GPHN: variants seen among roughly 807,000 people sequenced by gnomAD.
GPHN encodes the protein gephyrin.
In GPHN, 17 loss-of-function variants were observed where a neutral mutation model predicts 95.5. The observed-to-expected ratio is 0.18, with a 90% CI of 0.12 to 0.27. The LOEUF (loss-of-function observed/expected upper bound fraction) is 0.27, where lower values mean the gene tolerates loss of function less well. Ranked by LOEUF, GPHN falls within the 10% of genes least tolerant of loss-of-function variation. The pLI is 1.00. For missense variants in GPHN, 660 were observed against 978.1 expected, an observed-to-expected ratio of 0.67 and a Z score of 4.34; for synonymous variants, 320 against 322.5, an observed-to-expected ratio of 0.99 and a Z score of 0.08.
chr14:66,704,757 G>A (rs955534655), intron 2 of GPHN, among the ~76,000 whole-genome samples: 1 of 152,096 alleles, frequency 6.6e-6, no homozygotes, highest in Non-Finnish European at 1.5e-5. Context: ...AAAAGAGCTA[G>A]AGACGCAAGA....
At chr14:67,645,590 T>C in the GPHN span, 1,399 of 1,576,138 alleles carry the variant, frequency 8.9e-4, 22 homozygotes, top group African/African-American at 0.016. Context: ...ACGTTTGTTA[T>C]CGGTCATGTT....
downstream of GPHN, among the ~76,000 whole-genome samples, chr14:67,185,489 A>G (rs1277594112): frequency 6.6e-6 from 1 of 152,214 alleles, no homozygotes; most frequent in African/African-American, 2.4e-5. Flanking sequence ...TTATTTGACA[A>G]ATTATATAAG....
intron 18 of GPHN, 140 bp downstream of exon 18, chr14:67,143,589 G>T: frequency 1.4e-6 from 1 of 722,934 alleles, no homozygotes; most frequent in East Asian, 2.5e-5. Flanking sequence ...AGAAATTACT[G>T]GTCTCTTTAA....
chr14:67,509,263 A>G, the GPHN span, among the ~76,000 whole-genome samples: 2 of 152,212 alleles, frequency 1.3e-5, no homozygotes, highest in African/African-American at 4.8e-5. Flanking sequence ...ATGTTTTTCA[A>G]ACAAGAATCT....
chr14:67,143,201 T>C (rs949689120), intron 17 of GPHN, 161 bp from the exon 18 acceptor site: 30 of 650,158 alleles, frequency 4.6e-5, no homozygotes, highest in Non-Finnish European at 8.2e-5. Flanking sequence ...GACTTAATGC[T>C]CCTGTTAGGC....
chr14:67,098,550 C>T (rs1005748494), intron 12 of GPHN, among the ~76,000 whole-genome samples: 1 of 152,092 alleles, frequency 6.6e-6, no homozygotes, highest in Non-Finnish European at 1.5e-5. Context: ...TGGCTTATGC[C>T]TGTAACCCCA....
At chr14:66,998,632 C>G (rs1567196229) in intron 9 of GPHN, among the ~76,000 whole-genome samples, 2 of 151,914 alleles carry the variant, frequency 1.3e-5, no homozygotes. Context: ...CTCTTCTTTC[C>G]CTTACATTTA....
chr14:67,385,214 G>A, the GPHN span: 2 of 152,074 alleles, frequency 1.3e-5, no homozygotes, highest in African/African-American at 4.8e-5. Context: ...AGACAGCAGG[G>A]ACAAGATACA....
the GPHN span, chr14:67,645,670 T>C: frequency 1.9e-6 from 3 of 1,613,934 alleles, no homozygotes; most frequent in South Asian, 2.2e-5. Context: ...TTAGTGGCCA[T>C]GCCCGACACT....
chr14:66,615,463 T>A (rs1444780331), intron 1 of GPHN, among the ~76,000 whole-genome samples: 1 of 142,952 alleles, frequency 7.0e-6, no homozygotes, highest in Non-Finnish European at 1.5e-5. Flanking sequence ...TGATGGTCAG[T>A]GGTGTTGAGC....
the GPHN span, chr14:67,533,209 G>A: frequency 6.6e-6 from 1 of 152,028 alleles, no homozygotes; most frequent in Middle Eastern, 3.2e-3. Context: ...GCTTTGTGCA[G>A]CGAGCCCGCG....
At chr14:67,175,609 G>A (rs1177051189) in intron 21 of GPHN, among the ~76,000 whole-genome samples, 27 of 152,194 alleles carry the variant, frequency 1.8e-4, no homozygotes, top group Admixed American at 1.8e-3. Context: ...TTCCAATTTT[G>A]TGAAGAAAGT....
intron 8 of GPHN, among the ~76,000 whole-genome samples, chr14:66,938,487 A>T (rs1490137892): frequency 1.3e-5 from 2 of 152,100 alleles, no homozygotes; most frequent in African/African-American, 2.4e-5. Context: ...TGTGATAATT[A>T]ATTATTATTC....
At position 66,640,876 on chromosome 14, in the gene GPHN, A is replaced by G. The variant is rs550144489; in HGVS notation, c.65-40231A>G. Among the ~76,000 whole-genome samples, 589 of 152,302 alleles carry G rather than the reference A, an allele frequency of 3.9e-3. 6 individuals carry two copies. The highest frequency in any genetic ancestry group is 0.014 in the African/African-American group (566 of 41,576). On this transcript the variant is annotated intron_variant, in intron 1 of 22. Coordinates refer to ENST00000478722, the MANE Select transcript of GPHN (RefSeq NM_020806.5). Reference sequence around the variant, plus strand: ...CTCAGTTGTATCTGTAGTAAAGCTTATTCTTCCTCTGTTTTGTCCTAATTA... The same window carrying G: ...CTCAGTTGTATCTGTAGTAAAGCTTGTTCTTCCTCTGTTTTGTCCTAATTA...
the GPHN span, among the ~76,000 whole-genome samples, chr14:67,492,182 G>A: frequency 2.0e-5 from 3 of 152,080 alleles, no homozygotes; most frequent in Non-Finnish European, 4.4e-5. Context: ...CTTGGAGGGT[G>A]GTCTCTGGTC....
chr14:67,582,146 T>G, the GPHN span: 1 of 1,613,656 alleles, frequency 6.2e-7, no homozygotes, highest in Non-Finnish European at 8.5e-7. This position sits in a 1 kb window ranked among gnomAD's most constrained non-coding sequence, Gnocchi z 5.0. Flanking sequence ...AGTAGAGAGA[T>G]AGTGGCAGGG....
In GPHN at chr14:66,814,087, C is replaced by T. The variant is rs150668621; in HGVS notation, c.202-10387C>T. On this transcript the variant is annotated intron_variant, in intron 3 of 22. Coordinates refer to ENST00000478722, the MANE Select transcript of GPHN (RefSeq NM_020806.5). ...TACTTGCCCAGCCAGCACACAGGAA[C>T]GCAGTCTGCCCTCCTCCCTTGCTGA... Among the ~76,000 whole-genome samples the T allele has an allele frequency of 3.2e-3, 480 of 152,268 alleles. 2 individuals are homozygous for T. Among genetic ancestry groups the T allele is most frequent in the African/African-American group, 0.011 (442 of 41,536 alleles).
chr14:66,508,442 C>T lies in GPHN; in HGVS notation c.-86C>T, dbSNP rs928982250. On this transcript the variant is annotated 5_prime_UTR_variant, in exon 1 of 23. Transcript: ENST00000478722. ...TCTCTGGCTCCCTAGCTGTCGCGCT[C>T]TCCTCGGCGAGCGCGCTCCCGGCCC... 11 of 1,224,020 alleles carry T rather than the reference C, an allele frequency of 9.0e-6. 1 individual carries two copies. Among genetic ancestry groups the T allele is most frequent in the South Asian group, 7.2e-5 (6 of 83,404 alleles). 75.8% of individuals were successfully genotyped at this position (1,224,020 alleles called of 1,614,324 possible).
At chr14:67,301,318 T>C in the GPHN span, 10 of 780,962 alleles carry the variant, frequency 1.3e-5, no homozygotes, top group African/African-American at 1.2e-4. Flanking sequence ...TTAAAAAATA[T>C]GACCCTGCAT....
Sources: allele counts gnomAD v4.1 joint callset (sites outside exome capture counted in the v4.1 genomes callset), GRCh38; gene constraint gnomAD v4.1.1; non-coding constraint Gnocchi (gnomAD v3.1); transcripts MANE v1.5; gene names NCBI Gene and HGNC (gene_info 2026-07-23, HGNC 2026-07-21).